OTUB2: variants seen among roughly 807,000 people sequenced by gnomAD.
The protein encoded by OTUB2 is OTU deubiquitinase, ubiquitin aldehyde binding 2, also known as ubiquitin thioesterase OTUB2.
In OTUB2, 21 loss-of-function variants were observed where a neutral mutation model predicts 25.1. The ratio of observed to expected loss-of-function variants is 0.84; its 90% CI spans 0.59 to 1.21. OTUB2 has a LOEUF of 1.21. Ranked by LOEUF, OTUB2 falls within the 50% of genes most tolerant of loss-of-function variation. The probability of loss-of-function intolerance (pLI) is 0.00; values close to 1 mark genes in which losing one functional copy is unlikely to be tolerated. For synonymous variants in OTUB2, 122 were observed against 122.8 expected, an observed-to-expected ratio of 0.99 and a Z score of 0.04; for missense variants, 283 against 298.0, an observed-to-expected ratio of 0.95 and a Z score of 0.37.
rs901609882 is a variant in OTUB2 at position 94,044,119 on chromosome 14, C to A, written c.303+64C>A. 6 of 1,454,600 alleles carry A rather than the reference C, an allele frequency of 4.1e-6. No individual in the cohort carries two copies. The South Asian group carries it at 4.6e-5, about 11-fold the overall frequency. The allele number at this position is 1,454,600 out of a possible 1,614,324, so 90.1% of individuals were successfully genotyped here. On this transcript the variant is annotated intron_variant, in intron 4 of 5. Transcript: ENST00000203664. ...AGACAGGAGTGGGCACTGGCTGGAG[C>A]CCCTACACAGCCCACAGCTCTGCTC...
chr14:94,048,918 A>G lies in OTUB2; in HGVS notation c.*2996A>G, dbSNP rs1885335773. 6.6e-6 allele frequency: 1 copy of G among 152,286 alleles called. No individual in the cohort carries two copies. Among genetic ancestry groups the G allele is most frequent in the Non-Finnish European group, 1.5e-5 (1 of 68,062 alleles). 9.4% of individuals were successfully genotyped at this position (152,286 alleles called of 1,614,324 possible). A position where few individuals can be genotyped will look rare whatever the true frequency, so the allele number is the denominator to read the frequency against. On this transcript the variant is annotated 3_prime_UTR_variant, in exon 6 of 6. Coordinates refer to ENST00000203664, the MANE Select transcript of OTUB2 (RefSeq NM_023112.4). ...GTAAAAACATTCTCCTAGCATTAAA[A>G]TGGTTTCCATAACTACTTTTGTCCT...
At chr14:94,035,144 G>T (rs976282809) in intron 1 of OTUB2, among the ~76,000 whole-genome samples, 1 of 152,090 alleles carries the variant, frequency 6.6e-6, no homozygotes, top group Non-Finnish European at 1.5e-5. Flanking sequence ...GATTAATTTC[G>T]CAAAGAAGGG....
intron 4 of OTUB2, among the ~76,000 whole-genome samples, chr14:94,044,278 A>G (rs1484047358): frequency 6.6e-6 from 1 of 152,122 alleles, no homozygotes; most frequent in African/African-American, 2.4e-5. Flanking sequence ...AAGGGGCGGG[A>G]TCGAGGACTC....
At chr14:94,038,797 T>G (rs750725402) in intron 2 of OTUB2, among the ~76,000 whole-genome samples, 166 bp from the exon 3 acceptor site, 9 of 152,166 alleles carry the variant, frequency 5.9e-5, no homozygotes, top group Non-Finnish European at 8.8e-5. Context: ...AGTGTATTTT[T>G]ATATCAGGGG....
chr14:94,036,604 G>T (rs1390012389), intron 1 of OTUB2, among the ~76,000 whole-genome samples: 2 of 152,136 alleles, frequency 1.3e-5, no homozygotes, highest in Non-Finnish European at 2.9e-5. Flanking sequence ...TCACCCTGAA[G>T]CTTCCTTTTG....
At chr14:94,030,355 G>A (rs1032290314) in intron 1 of OTUB2, among the ~76,000 whole-genome samples, 2 of 151,884 alleles carry the variant, frequency 1.3e-5, no homozygotes, top group East Asian at 3.9e-4. Flanking sequence ...GGGGGTGGGG[G>A]GCGAGGTGGG....
At chr14:94,035,286 CTTTTTTTT>C (rs761154708) in intron 1 of OTUB2, among the ~76,000 whole-genome samples, 7 of 104,036 alleles carry the variant, frequency 6.7e-5, no homozygotes, top group Non-Finnish European at 9.4e-5. Context: ...TTTTTCTTTT[CTTTTTTTT>C]TTTTTTTTTT....
intron 1 of OTUB2, among the ~76,000 whole-genome samples, chr14:94,033,512 G>T (rs1373505527): frequency 1.3e-5 from 2 of 152,178 alleles, no homozygotes; most frequent in East Asian, 3.8e-4. Flanking sequence ...TCCTCCTTCT[G>T]CCATTTTGGT....
intron 1 of OTUB2, among the ~76,000 whole-genome samples, chr14:94,028,395 T>C (rs930627773): frequency 1.3e-5 from 2 of 152,232 alleles, no homozygotes; most frequent in African/African-American, 4.8e-5. Flanking sequence ...GCATCTTCTT[T>C]ACTTTCCTGT....
chr14:94,027,023 G>A (rs1884878094), intron 1 of OTUB2, among the ~76,000 whole-genome samples: 1 of 152,240 alleles, frequency 6.6e-6, no homozygotes, highest in Admixed American at 6.5e-5. Context: ...CAGGTCGTCT[G>A]CTCCGTGGGC....
chr14:94,036,232 GA>G (rs1885052616), intron 1 of OTUB2, among the ~76,000 whole-genome samples: 1 of 152,102 alleles, frequency 6.6e-6, no homozygotes, highest in Non-Finnish European at 1.5e-5. Context: ...TGGCCGGTGT[GA>G]CATGAAAAAG....
chr14:94,045,199 C>T (rs1447977851), intron 5 of OTUB2, among the ~76,000 whole-genome samples: 1 of 152,178 alleles, frequency 6.6e-6, no homozygotes, highest in Non-Finnish European at 1.5e-5. Context: ...TCTTGCAGGG[C>T]AGTCTCAGCA....
intron 1 of OTUB2, 122 bp downstream of exon 1, chr14:94,026,662 C>T (rs1884868547): frequency 9.3e-7 from 1 of 1,070,650 alleles, no homozygotes; most frequent in African/African-American, 1.6e-5. Flanking sequence ...CCCAGCTCGC[C>T]CCCGCCGCTT....
intron 2 of OTUB2, among the ~76,000 whole-genome samples, chr14:94,038,291 T>G (rs1353126848): frequency 6.6e-6 from 1 of 152,200 alleles, no homozygotes; most frequent in East Asian, 1.9e-4. Context: ...CCACTGACTT[T>G]TGTGTCCCCC....
intron 1 of OTUB2, among the ~76,000 whole-genome samples, chr14:94,033,101 G>A (rs932774245): frequency 4.6e-5 from 7 of 152,102 alleles, no homozygotes; most frequent in South Asian, 2.1e-4. Flanking sequence ...TAGTGGAGAC[G>A]GAGTTTTGCC....
rs1885211674 is a variant in OTUB2, at chr14:94,043,966, T to C, written c.219-5T>C. ...CTGTAAACACTCAGTCTTCCCCCTCTGTAGGTTCAAAGAACGCGTACTGCA... is the reference window on the plus strand; with the variant it reads ...CTGTAAACACTCAGTCTTCCCCCTCCGTAGGTTCAAAGAACGCGTACTGCA... On this transcript the variant is annotated splice_region_variant and splice_polypyrimidine_tract_variant and intron_variant, in intron 3 of 5. Coordinates refer to ENST00000203664, the MANE Select transcript of OTUB2 (RefSeq NM_023112.4). 3 of 1,613,834 alleles carry C rather than the reference T, an allele frequency of 1.9e-6. No homozygotes were observed. Among genetic ancestry groups the C allele is most frequent in the Non-Finnish European group, 2.5e-6 (3 of 1,179,676 alleles).
At chr14:94,026,663 C>T (rs1250018041) in intron 1 of OTUB2, 123 bp downstream of exon 1, 2 of 1,066,316 alleles carry the variant, frequency 1.9e-6, no homozygotes, top group South Asian at 8.9e-5. Context: ...CCAGCTCGCC[C>T]CCGCCGCTTT....
chr14:94,030,743 A>G (rs571670887), intron 1 of OTUB2, among the ~76,000 whole-genome samples: 55 of 150,926 alleles, frequency 3.6e-4, no homozygotes, highest in African/African-American at 1.3e-3. Context: ...GATTCCGTTA[A>G]GGATACTGAG....
chr14:94,039,266 C>A, intron 3 of OTUB2, 185 bp downstream of exon 3: 6 of 599,726 alleles, frequency 1.0e-5, no homozygotes, highest in Non-Finnish European at 1.8e-5. Context: ...TGGGGGCAGC[C>A]AAGGGGTGGA....
Sources: allele counts gnomAD v4.1 joint callset (sites outside exome capture counted in the v4.1 genomes callset), GRCh38; gene constraint gnomAD v4.1.1; transcripts MANE v1.5; gene names NCBI Gene and HGNC (gene_info 2026-07-23, HGNC 2026-07-21).